The following CNTNAP2 variants were observed in gnomAD, a reference collection of about 807,000 sequenced individuals.
CNTNAP2 encodes contactin associated protein 2.
Under a neutral mutation model 155.2 loss-of-function variants are expected in CNTNAP2, and 98 were observed. The observed-to-expected ratio is 0.63, with a 90% CI of 0.54 to 0.75. The LOEUF is 0.75. CNTNAP2 is among the 30% of genes least tolerant of loss of function. The pLI is 0.00. For synonymous variants in CNTNAP2, 651 were observed against 631.2 expected, an observed-to-expected ratio of 1.03 and a Z score of -0.47; for missense variants, 1,727 against 1,688.1, an observed-to-expected ratio of 1.02 and a Z score of -0.40.
intron 1 of CNTNAP2, among the ~76,000 whole-genome samples, chr7:146,648,738 T>A (rs533977861): frequency 6.6e-6 from 1 of 152,196 alleles, no homozygotes; most frequent in African/African-American, 2.4e-5. Context: ...AGACCTGACA[T>A]AGCAAAAAGA....
chr7:147,924,115 T>C (rs1236411740), intron 14 of CNTNAP2, among the ~76,000 whole-genome samples: 5 of 149,814 alleles, frequency 3.3e-5, no homozygotes, highest in Admixed American at 6.8e-5. Context: ...GGCACCACTC[T>C]AAGCACTTTT....
intron 9 of CNTNAP2, among the ~76,000 whole-genome samples, chr7:147,381,562 A>G (rs951769748): frequency 6.6e-6 from 1 of 152,174 alleles, no homozygotes; most frequent in Non-Finnish European, 1.5e-5. Flanking sequence ...CATGAAAAAG[A>G]CTATGTAAAA....
chr7:147,607,309 C>G (rs1801089462), intron 12 of CNTNAP2, among the ~76,000 whole-genome samples: 2 of 152,068 alleles, frequency 1.3e-5, no homozygotes, highest in Admixed American at 1.3e-4. Context: ...ACCTTTAGTT[C>G]AAGGCACTCA....
intron 2 of CNTNAP2, among the ~76,000 whole-genome samples, chr7:146,790,540 C>G (rs1331792516): frequency 6.6e-6 from 1 of 151,090 alleles, no homozygotes; most frequent in Non-Finnish European, 1.5e-5. Context: ...TTCAGCAAAA[C>G]TATCTTATCT....
intron 21 of CNTNAP2, among the ~76,000 whole-genome samples, chr7:148,306,746 C>A (rs535921286): frequency 6.6e-6 from 1 of 151,924 alleles, no homozygotes; most frequent in South Asian, 2.1e-4. Flanking sequence ...CTTCAAGTAG[C>A]TTTCTTTGGT....
chr7:146,468,923 G>A (rs1286374862), intron 1 of CNTNAP2, among the ~76,000 whole-genome samples: 1 of 151,844 alleles, frequency 6.6e-6, no homozygotes, highest in Non-Finnish European at 1.5e-5. Context: ...TGAAGAATTA[G>A]AAAAGTGTTT....
intron 1 of CNTNAP2, among the ~76,000 whole-genome samples, chr7:146,477,299 A>C (rs1406510441): frequency 6.6e-6 from 1 of 152,178 alleles, no homozygotes; most frequent in Non-Finnish European, 1.5e-5. Flanking sequence ...CAGGTCATAC[A>C]TATAAAATGA....
chr7:146,633,272 G>A (rs529046962), intron 1 of CNTNAP2, among the ~76,000 whole-genome samples: 79 of 152,260 alleles, frequency 5.2e-4, no homozygotes, highest in African/African-American at 1.8e-3. Context: ...GAAACCTTTT[G>A]CCCTAGAGGC....
chr7:146,379,517 ACTT>A (rs2129104543), intron 1 of CNTNAP2, among the ~76,000 whole-genome samples: 2 of 152,302 alleles, frequency 1.3e-5, no homozygotes, highest in East Asian at 3.9e-4. Flanking sequence ...ACCAATGGCA[ACTT>A]CTTCCCTATT....
At chr7:146,170,953 G>C (rs1212170532) in intron 1 of CNTNAP2, among the ~76,000 whole-genome samples, 1 of 152,106 alleles carries the variant, frequency 6.6e-6, no homozygotes, top group Admixed American at 6.5e-5. Context: ...CATGAACCTG[G>C]GGGGCGGAGG....
chr7:147,162,924 T>A (rs957798613), intron 8 of CNTNAP2, among the ~76,000 whole-genome samples: 2 of 152,104 alleles, frequency 1.3e-5, no homozygotes, highest in Non-Finnish European at 2.9e-5. Flanking sequence ...TCGGCTGGGG[T>A]TGTGTTCATG....
At chr7:147,105,780 A>G (rs1800752942) in intron 4 of CNTNAP2, among the ~76,000 whole-genome samples, 1 of 152,068 alleles carries the variant, frequency 6.6e-6, no homozygotes, top group Non-Finnish European at 1.5e-5. Flanking sequence ...AGGTGGGAAA[A>G]TATGTTGAAA....
At chr7:147,449,914 T>C (rs941541529) in intron 10 of CNTNAP2, among the ~76,000 whole-genome samples, 1 of 152,244 alleles carries the variant, frequency 6.6e-6, no homozygotes, top group Non-Finnish European at 1.5e-5. Context: ...CTATGTCCAA[T>C]TGATTTCCCA....
At chr7:146,146,947 A>G (rs1434792761) in intron 1 of CNTNAP2, among the ~76,000 whole-genome samples, 1 of 152,194 alleles carries the variant, frequency 6.6e-6, no homozygotes, top group African/African-American at 2.4e-5. Flanking sequence ...TTTCTGTCAA[A>G]CAAACACACA....
chr7:146,218,782 C>T (rs143132560), intron 1 of CNTNAP2, among the ~76,000 whole-genome samples: 8 of 151,968 alleles, frequency 5.3e-5, no homozygotes, highest in South Asian at 2.1e-4. Context: ...AGCTAACACA[C>T]GGAATGGCAA....
chr7:147,711,225 T>A (rs1269537159), intron 13 of CNTNAP2, among the ~76,000 whole-genome samples: 1 of 152,286 alleles, frequency 6.6e-6, no homozygotes, highest in South Asian at 2.1e-4. Flanking sequence ...AATTTAGCAA[T>A]GGATAATGAA....
At chr7:147,181,960 A>G (rs945006011) in intron 8 of CNTNAP2, among the ~76,000 whole-genome samples, 2 of 151,964 alleles carry the variant, frequency 1.3e-5, no homozygotes, top group African/African-American at 2.4e-5. Context: ...CCCCGTCCAT[A>G]CTAAAAATAC....
intron 8 of CNTNAP2, among the ~76,000 whole-genome samples, chr7:147,135,229 T>C (rs1346090340): frequency 6.6e-6 from 1 of 151,846 alleles, no homozygotes; most frequent in African/African-American, 2.4e-5. Context: ...TCATTAGTAA[T>C]CAACAGTAGA....
At chr7:147,090,476 C>A (rs1800378999) in intron 4 of CNTNAP2, among the ~76,000 whole-genome samples, 1 of 151,992 alleles carries the variant, frequency 6.6e-6, no homozygotes, top group Non-Finnish European at 1.5e-5. Flanking sequence ...TACACTTGCT[C>A]AAGGTCATAC....
Sources: allele counts gnomAD v4.1 joint callset (sites outside exome capture counted in the v4.1 genomes callset), GRCh38; gene constraint gnomAD v4.1.1; transcripts MANE v1.5; gene names NCBI Gene and HGNC (gene_info 2026-07-23, HGNC 2026-07-21).